The following TECRL variants were observed in gnomAD, a reference collection of about 807,000 sequenced individuals.
TECRL encodes the protein trans-2,3-enoyl-CoA reductase like.
Under a neutral mutation model 52.8 loss-of-function variants are expected in TECRL, and 63 were observed. That is an observed-to-expected ratio of 1.19 (90% confidence interval 0.97 to 1.47). The LOEUF is 1.47. Among genes scored for constraint, TECRL ranks in the 40% most tolerant of loss-of-function variants. The probability of loss-of-function intolerance (pLI) is 0.00; values close to 1 mark genes in which losing one functional copy is unlikely to be tolerated. For synonymous variants in TECRL, 164 were observed against 141.9 expected, an observed-to-expected ratio of 1.16 and a Z score of -1.10; for missense variants, 482 against 429.6, an observed-to-expected ratio of 1.12 and a Z score of -1.08.
chr4:64,336,979 A>T (rs1719138290), intron 2 of TECRL, among the ~76,000 whole-genome samples: 1 of 152,132 alleles, frequency 6.6e-6, no homozygotes. Flanking sequence ...AAGAATGTAT[A>T]TTCTGTTGAT....
chr4:64,289,612 T>C (rs1297263871), intron 9 of TECRL, 98 bp downstream of exon 9: 10 of 944,570 alleles, frequency 1.1e-5, no homozygotes, highest in South Asian at 1.8e-5. Context: ...TTTCCAACTA[T>C]TGATATTTTG....
At chr4:64,399,128 G>C (rs1052218847) in intron 1 of TECRL, among the ~76,000 whole-genome samples, 1 of 128,546 alleles carries the variant, frequency 7.8e-6, no homozygotes, top group Non-Finnish European at 1.7e-5. Context: ...AAGCATAAAA[G>C]AGAGATAAAG....
At chr4:64,326,005 A>G (rs948140590) in intron 3 of TECRL, among the ~76,000 whole-genome samples, 6 of 152,102 alleles carry the variant, frequency 3.9e-5, no homozygotes, top group Non-Finnish European at 8.8e-5. Flanking sequence ...GGAAATACCT[A>G]ACTAGATCCC....
At chr4:64,409,002 A>T (rs1578011340) in intron 1 of TECRL, 116 bp downstream of exon 1, 1 of 957,930 alleles carries the variant, frequency 1.0e-6, no homozygotes, top group South Asian at 1.8e-5. Flanking sequence ...TTAAGGTAAA[A>T]GTCAGAAATG....
intron 2 of TECRL, among the ~76,000 whole-genome samples, chr4:64,335,709 C>T (rs577172600): frequency 3.2e-4 from 48 of 152,226 alleles, no homozygotes; most frequent in African/African-American, 1.1e-3. Flanking sequence ...ACTTTTCTTC[C>T]TCTTCTTCAA....
chr4:64,317,714 A>G (rs539181610), intron 4 of TECRL, among the ~76,000 whole-genome samples: 38 of 152,330 alleles, frequency 2.5e-4, no homozygotes, highest in South Asian at 2.1e-3. Flanking sequence ...TCTATTCTAT[A>G]TAATTCAAAC....
chr4:64,290,697 T>C (rs950796299), intron 8 of TECRL, among the ~76,000 whole-genome samples: 2 of 152,088 alleles, frequency 1.3e-5, no homozygotes, highest in African/African-American at 4.8e-5. Flanking sequence ...AATAAATAAC[T>C]GGTATATATT....
intron 1 of TECRL, among the ~76,000 whole-genome samples, chr4:64,393,331 G>A (rs1282314798): frequency 6.6e-6 from 1 of 151,986 alleles, no homozygotes; most frequent in Non-Finnish European, 1.5e-5. Context: ...AAGGGATAGA[G>A]GTGATTCCAA....
rs1455672610 is a variant in TECRL, at chr4:64,280,031, T to G, written c.*41A>C. The G allele has an allele frequency of 6.4e-7, 1 of 1,554,790 alleles. No individual in the cohort carries two copies. Among genetic ancestry groups the G allele is most frequent in the Admixed American group, 2.0e-5 (1 of 50,214 alleles). Reference sequence around the variant, plus strand: ...CCTTAACTAAGTCTTATTTATTGAATTTATATGTTGCTGTTTTCTATAGGA... The same window carrying G: ...CCTTAACTAAGTCTTATTTATTGAAGTTATATGTTGCTGTTTTCTATAGGA... On this transcript the variant is annotated 3_prime_UTR_variant, in exon 12 of 12. Transcript: ENST00000381210.
intron 3 of TECRL, among the ~76,000 whole-genome samples, chr4:64,324,206 A>T (rs1355311584): frequency 6.6e-6 from 1 of 152,166 alleles, no homozygotes. Context: ...ATGGGAAGAT[A>T]TGTAAAAAAA....
chr4:64,341,626 C>G (rs934693502), intron 2 of TECRL, among the ~76,000 whole-genome samples: 1 of 152,052 alleles, frequency 6.6e-6, no homozygotes, highest in Non-Finnish European at 1.5e-5. Flanking sequence ...GGGGCTAAAA[C>G]ATCCCCCTTG....
intron 2 of TECRL, among the ~76,000 whole-genome samples, chr4:64,338,067 C>T (rs546848230): frequency 1.3e-4 from 20 of 152,256 alleles, no homozygotes; most frequent in Admixed American, 3.3e-4. Context: ...CAGCATGGTA[C>T]TGGTACCAAA....
intron 3 of TECRL, among the ~76,000 whole-genome samples, chr4:64,324,652 C>T (rs867548596): frequency 1.3e-5 from 2 of 151,884 alleles, no homozygotes; most frequent in Admixed American, 6.6e-5. Flanking sequence ...CTTTTAACAG[C>T]CAGATAATTT....
intron 1 of TECRL, among the ~76,000 whole-genome samples, chr4:64,383,379 G>A (rs956149069): frequency 1.3e-5 from 2 of 151,872 alleles, no homozygotes; most frequent in Non-Finnish European, 2.9e-5. Context: ...CTCCCTTCTG[G>A]AACACTCAAA....
At chr4:64,340,922 A>G (rs1354604729) in intron 2 of TECRL, among the ~76,000 whole-genome samples, 3 of 152,128 alleles carry the variant, frequency 2.0e-5, no homozygotes, top group African/African-American at 7.2e-5. Context: ...GGGAACTACC[A>G]GCTGCAGAGA....
intron 7 of TECRL, 72 bp downstream of exon 7, chr4:64,305,094 G>A (rs2109986510): frequency 9.7e-7 from 1 of 1,031,718 alleles, no homozygotes; most frequent in Non-Finnish European, 1.4e-6. Context: ...ATTCCTTTAT[G>A]TATGTCATTT....
chr4:64,311,958 C>A (rs1168188775), intron 5 of TECRL, among the ~76,000 whole-genome samples: 1 of 152,132 alleles, frequency 6.6e-6, no homozygotes, highest in Admixed American at 6.6e-5. Context: ...TGGCGCTACA[C>A]CAGGTTTCTG....
chr4:64,289,509 A>G (rs1358172264), intron 9 of TECRL, among the ~76,000 whole-genome samples: 2 of 152,110 alleles, frequency 1.3e-5, no homozygotes, highest in African/African-American at 4.8e-5. Context: ...GTGCATGCAC[A>G]CTTCATTTTA....
intron 4 of TECRL, among the ~76,000 whole-genome samples, chr4:64,322,432 A>G (rs1248519824): frequency 1.3e-5 from 2 of 148,718 alleles, no homozygotes; most frequent in Non-Finnish European, 3.0e-5. Context: ...TGAAGCTCCC[A>G]GTAATAGAGT....
Sources: allele counts gnomAD v4.1 joint callset (sites outside exome capture counted in the v4.1 genomes callset), GRCh38; gene constraint gnomAD v4.1.1; transcripts MANE v1.5; gene names NCBI Gene and HGNC (gene_info 2026-07-23, HGNC 2026-07-21).